Variants in DCDC1 observed in about 807,000 individuals in gnomAD.
DCDC1 encodes the protein doublecortin domain containing 1.
In DCDC1, 200 loss-of-function variants were observed where a neutral mutation model predicts 178.3. That is an observed-to-expected ratio of 1.12 (90% CI 1.00 to 1.26). The LOEUF (loss-of-function observed/expected upper bound fraction) is 1.26, where lower values mean the gene tolerates loss of function less well. Ranked by LOEUF, DCDC1 falls within the 50% of genes most tolerant of loss-of-function variation. The pLI is 0.00. For synonymous variants in DCDC1, 690 were observed against 604.8 expected (o/e 1.14, Z -2.07); for missense variants, 1,983 against 1,749.2 (o/e 1.13, Z -2.38).
At chr11:31,036,187 C>T (rs548996929) in intron 20 of DCDC1, among the ~76,000 whole-genome samples, 2 of 152,292 alleles carry the variant, frequency 1.3e-5, no homozygotes, top group South Asian at 4.1e-4. Flanking sequence ...TCTTTCCACA[C>T]CTAGCAAAGT....
At chr11:31,180,530 G>A (rs1220045482) in intron 9 of DCDC1, among the ~76,000 whole-genome samples, 1 of 152,132 alleles carries the variant, frequency 6.6e-6, no homozygotes, top group African/African-American at 2.4e-5. Flanking sequence ...GGGTTAGACA[G>A]TGGGAGCAGA....
At chr11:30,924,993 A>G (rs1021352910) in intron 23 of DCDC1, among the ~76,000 whole-genome samples, 2 of 151,922 alleles carry the variant, frequency 1.3e-5, no homozygotes, top group Non-Finnish European at 2.9e-5. Flanking sequence ...GAATTGCTTG[A>G]GCATGGGAGG....
chr11:31,331,563 C>T (rs1949990182), intron 2 of DCDC1, among the ~76,000 whole-genome samples: 2 of 152,130 alleles, frequency 1.3e-5, no homozygotes, highest in South Asian at 4.2e-4. Context: ...TCCATCAATA[C>T]CTAGTTTATT....
chr11:30,999,151 C>T (rs765475798), intron 20 of DCDC1, among the ~76,000 whole-genome samples: 16 of 152,068 alleles, frequency 1.1e-4, no homozygotes, highest in Admixed American at 3.3e-4. Context: ...AGGAGACTAA[C>T]GAGACACAAC....
At chr11:31,171,063 G>C (rs1357080092) in intron 9 of DCDC1, among the ~76,000 whole-genome samples, 1 of 152,048 alleles carries the variant, frequency 6.6e-6, no homozygotes, top group Non-Finnish European at 1.5e-5. Flanking sequence ...CCCGATCTCA[G>C]GTGATCCGCC....
intron 34 of DCDC1, among the ~76,000 whole-genome samples, 181 bp downstream of exon 34, chr11:30,899,359 AC>A: frequency 6.6e-6 from 1 of 152,258 alleles, no homozygotes; most frequent in Admixed American, 6.5e-5. Context: ...ATAAAATCAG[AC>A]CAAAAAATAT....
chr11:31,299,746 A>C (rs1285089301), intron 6 of DCDC1, among the ~76,000 whole-genome samples: 1 of 152,242 alleles, frequency 6.6e-6, no homozygotes, highest in Admixed American at 6.5e-5. Flanking sequence ...AAAAGAAGGA[A>C]AATAAATAAG....
At chr11:31,336,486 C>T (rs1489748242) in intron 1 of DCDC1, among the ~76,000 whole-genome samples, 3 of 152,106 alleles carry the variant, frequency 2.0e-5, no homozygotes, top group East Asian at 1.9e-4. Flanking sequence ...TAGGACTTTG[C>T]GAGAACTAGT....
chr11:31,305,395 C>G (rs138590068), intron 6 of DCDC1, among the ~76,000 whole-genome samples: 35 of 152,156 alleles, frequency 2.3e-4, no homozygotes, highest in African/African-American at 8.2e-4. Context: ...CTATTCAGAT[C>G]TATATTAAAT....
At chr11:31,243,480 C>T (rs1460916597) in intron 8 of DCDC1, among the ~76,000 whole-genome samples, 1 of 151,606 alleles carries the variant, frequency 6.6e-6, no homozygotes, top group African/African-American at 2.4e-5. Context: ...TAGAGTTAAT[C>T]TTGAATTTAA....
intron 20 of DCDC1, among the ~76,000 whole-genome samples, chr11:30,964,322 C>T (rs1274603017): frequency 1.3e-5 from 2 of 152,114 alleles, no homozygotes; most frequent in African/African-American, 4.8e-5. Context: ...CAGGAACCAC[C>T]TCTTTGTGTT....
intron 1 of DCDC1, among the ~76,000 whole-genome samples, chr11:31,352,083 C>T (rs957654599): frequency 3.9e-5 from 6 of 152,126 alleles, no homozygotes; most frequent in African/African-American, 1.2e-4. Context: ...ATCTGGACCT[C>T]CAATTTGCTT....
In DCDC1 at chr11:30,903,474, T is replaced by C. The variant is rs1201008387; in HGVS notation, c.4510+8A>G. The C allele has an allele frequency of 3.2e-6, 5 of 1,582,144 alleles. No homozygotes were observed. The highest frequency in any genetic ancestry group is 2.3e-5 in the East Asian group (1 of 44,170). ...AGAATCAGCTAAATGCTGTAGATTG[T>C]AGCCAACCTTCCATACTTTCAACAA... On this transcript the variant is annotated splice_region_variant and intron_variant, in intron 32 of 38. Coordinates refer to ENST00000684477, the MANE Select transcript of DCDC1 (RefSeq NM_001387274.1).
intron 30 of DCDC1, among the ~76,000 whole-genome samples, chr11:30,906,097 A>G (rs948296978): frequency 4.6e-5 from 7 of 152,278 alleles, no homozygotes; most frequent in African/African-American, 1.7e-4. Flanking sequence ...TCTAAATACT[A>G]TTAGACATAG....
intron 36 of DCDC1, among the ~76,000 whole-genome samples, chr11:30,888,105 A>G (rs1472553409): frequency 3.3e-5 from 3 of 91,000 alleles, no homozygotes; most frequent in African/African-American, 1.3e-4. Flanking sequence ...AGAAAAAGAA[A>G]GAAAGAAAGA....
At chr11:31,213,484 G>A (rs1038936708) in intron 9 of DCDC1, among the ~76,000 whole-genome samples, 2 of 151,990 alleles carry the variant, frequency 1.3e-5, no homozygotes, top group Non-Finnish European at 2.9e-5. Context: ...CACTTTGGGA[G>A]GCCGAGATGG....
chr11:30,890,698 A>C (rs1345541375), intron 36 of DCDC1, among the ~76,000 whole-genome samples: 1 of 152,220 alleles, frequency 6.6e-6, no homozygotes, highest in Non-Finnish European at 1.5e-5. Flanking sequence ...TAATATGGCC[A>C]CCTAATAAAA....
Position 31,340,361 on chromosome 11 carries a change from G to A in DCDC1, c.-124-4797C>T, listed in dbSNP as rs903568307. Among the ~76,000 whole-genome samples, 3 of 152,164 alleles carry A rather than the reference G, an allele frequency of 2.0e-5. 1 individual carries two copies. Among genetic ancestry groups the A allele is most frequent in the Non-Finnish European group, 4.4e-5 (3 of 68,022 alleles). The stretch of plus-strand genomic sequence containing the variant: ...GAGAGAGGAGGAGAGGAGCAGGAGG[G>A]AGGGAGGAAAGGAGAAGGAGAGGTG... On this transcript the variant is annotated intron_variant, in intron 1 of 38. Coordinates refer to ENST00000684477, the MANE Select transcript of DCDC1 (RefSeq NM_001387274.1).
intron 36 of DCDC1, among the ~76,000 whole-genome samples, chr11:30,885,741 TG>T (rs1467386828): frequency 2.6e-5 from 4 of 152,266 alleles, no homozygotes; most frequent in Middle Eastern, 3.4e-3. Flanking sequence ...TATCTACCTA[TG>T]GGAGCATAAA....
Sources: gnomAD v4.1 joint callset for allele counts (sites outside exome capture counted in the v4.1 genomes callset) on GRCh38, gnomAD v4.1.1 for gene constraint, MANE v1.5 for transcripts, NCBI Gene and HGNC (gene_info 2026-07-23, HGNC 2026-07-21) for gene names.